COL11A1: variants seen among roughly 807,000 people sequenced by gnomAD.
The protein encoded by COL11A1 is collagen type XI alpha 1 chain.
In COL11A1, 74 loss-of-function variants were observed where a neutral mutation model predicts 265.2. The ratio of observed to expected loss-of-function variants is 0.28; its 90% CI spans 0.23 to 0.34. The LOEUF (loss-of-function observed/expected upper bound fraction) is 0.34, where lower values mean the gene tolerates loss of function less well. COL11A1 is among the 10% of genes least tolerant of loss of function. The pLI, the probability that COL11A1 is intolerant of heterozygous loss-of-function variation, is 1.00. For synonymous variants in COL11A1, 816 were observed against 727.6 expected (o/e 1.12, Z -1.96); for missense variants, 2,165 against 2,263.6 (o/e 0.96, Z 0.88).
chr1:103,001,807 C>CT (rs1285229314), intron 24 of COL11A1, 118 bp downstream of exon 24: 1 of 862,902 alleles, frequency 1.2e-6, no homozygotes, highest in Non-Finnish European at 2.0e-6. Flanking sequence ...AGATTAATTC[C>CT]TTATGTGCTG....
Position 103,074,466 on chromosome 1 carries a change from C to T in COL11A1, c.651+152G>A. 3 of 768,422 alleles carry T rather than the reference C, an allele frequency of 3.9e-6. No individual in the cohort carries two copies. In the South Asian group the frequency reaches 5.3e-5, roughly 14 times the overall value. The allele number at this position is 768,422 out of a possible 1,614,324, so 47.6% of individuals were successfully genotyped here. On this transcript the variant is annotated intron_variant, in intron 4 of 66. Coordinates refer to ENST00000370096, the MANE Select transcript of COL11A1 (RefSeq NM_001854.4). ...TCTCTTACTGAACAATAGAAAACAT[C>T]ACCACTATACTCACAGAGGAAGAAA...
chr1:102,931,857 T>C lies in COL11A1; in HGVS notation c.3600+2592A>G, dbSNP rs557796824. ...TTTAGCATTATGTAATGGCCTTCTT[T>C]GTCTCTTTTGATCTTTGTTGGTTTA... On this transcript the variant is annotated intron_variant, in intron 46 of 66. Transcript: ENST00000370096. Among the ~76,000 whole-genome samples the C allele has an allele frequency of 9.2e-5, 14 of 151,614 alleles. No individual in the cohort carries two copies. In the East Asian group the frequency reaches 2.3e-3, roughly 25 times the overall value.
At chr1:102,878,216 A>C in intron 66 of COL11A1, 51 bp from the exon 67 acceptor site, 1 of 1,515,948 alleles carries the variant, frequency 6.6e-7, no homozygotes, top group Non-Finnish European at 9.0e-7. Flanking sequence ...AATATTTTTA[A>C]ATGCATCTTA....
At chr1:103,042,414 TA>T (rs1346284466) in intron 4 of COL11A1, among the ~76,000 whole-genome samples, 1 of 152,136 alleles carries the variant, frequency 6.6e-6, no homozygotes, top group Non-Finnish European at 1.5e-5. Flanking sequence ...GTTTTTCTTT[TA>T]AATAAAGGAA....
chr1:103,036,609 C>T lies in COL11A1; in HGVS notation c.652-5365G>A, dbSNP rs183269847. 5.0e-3 allele frequency among the ~76,000 whole-genome samples: 755 copies of T among 151,660 alleles called. 5 individuals are homozygous for T. Among genetic ancestry groups the T allele is most frequent in the African/African-American group, 0.017 (707 of 41,416 alleles). On this transcript the variant is annotated intron_variant, in intron 4 of 66. Coordinates refer to ENST00000370096, the MANE Select transcript of COL11A1 (RefSeq NM_001854.4). ...AAAAATTCAATAAAAAACTTACAGT[C>T]CTATTTTTTCCCAGAAGGCATTTTA...
intron 24 of COL11A1, 32 bp downstream of exon 24, chr1:103,001,893 C>G (rs757837484): frequency 1.1e-5 from 17 of 1,608,140 alleles, no homozygotes; most frequent in Non-Finnish European, 1.4e-5. Context: ...AACATGTTCA[C>G]CAGGCTTTAC....
At chr1:103,093,109 G>A (rs902172598) in intron 1 of COL11A1, among the ~76,000 whole-genome samples, 10 of 152,112 alleles carry the variant, frequency 6.6e-5, no homozygotes, top group Admixed American at 4.6e-4. Context: ...TATTGAAAAT[G>A]CAGCTTTATG....
chr1:102,989,544 C>T lies in COL11A1; in HGVS notation c.2368G>A (p.Gly790Ser), dbSNP rs1663917780. Residue 790 changes from glycine (G) to serine (S), a missense_variant, in exon 29 of 67, where the codon GGT (glycine) becomes AGT (serine). Gly to Ser is a moderately conservative substitution (Grantham distance 56). Transcript: ENST00000370096. The part of the protein sequence containing the change: ...KGEDGFPGFK[G>S]DMGLKGDRGE... ...CTGTCACCTTTTAGACCCATGTCAC[C>T]TTTGAATCCTGGAAAACCATCTTCA... 1 of 1,611,278 alleles carries T rather than the reference C, an allele frequency of 6.2e-7. No homozygotes were observed. The highest frequency in any genetic ancestry group is 8.5e-7 in the Non-Finnish European group (1 of 1,178,046).
At chr1:103,067,535 A>ATC (rs1321139414) in intron 4 of COL11A1, among the ~76,000 whole-genome samples, 1 of 151,806 alleles carries the variant, frequency 6.6e-6, no homozygotes, top group East Asian at 1.9e-4. Context: ...AAAAAAGCAA[A>ATC]TCTCGAAGTA....
chr1:102,884,436 A>T (rs1241739494), intron 63 of COL11A1: 2 of 152,228 alleles, frequency 1.3e-5, no homozygotes, highest in Non-Finnish European at 2.9e-5. Context: ...AGCTGGTGCC[A>T]GGGAATGGCA....
intron 37 of COL11A1, among the ~76,000 whole-genome samples, chr1:102,968,852 G>C (rs1661686632): frequency 6.6e-6 from 1 of 152,084 alleles, no homozygotes; most frequent in African/African-American, 2.4e-5. Flanking sequence ...AATTATTTTT[G>C]TTAGAAGTGG....
At chr1:103,034,825 G>A (rs1168801058) in intron 4 of COL11A1, among the ~76,000 whole-genome samples, 4 of 151,822 alleles carry the variant, frequency 2.6e-5, no homozygotes, top group Non-Finnish European at 4.4e-5. Context: ...TAACAACCCT[G>A]AAATCAGATA....
chr1:103,092,480 A>C (rs180999027), intron 1 of COL11A1, among the ~76,000 whole-genome samples: 82 of 152,308 alleles, frequency 5.4e-4, no homozygotes, highest in African/African-American at 1.9e-3. Context: ...CACAGATCAT[A>C]CATGGCACCA....
rs375537454 is a variant in COL11A1 at position 103,082,161 on chromosome 1, C to T, written c.274+644G>A. Among the ~76,000 whole-genome samples, 4 of 151,858 alleles carry T rather than the reference C, an allele frequency of 2.6e-5. No individual in the cohort carries two copies. The East Asian group carries it at 7.7e-4, about 29-fold the overall frequency. ...AGGAAAAACAAATATTCAGCAAGTACTTTTCAGTACCATTATGAAAAACTG... is the reference window on the plus strand; with the variant it reads ...AGGAAAAACAAATATTCAGCAAGTATTTTTCAGTACCATTATGAAAAACTG... On this transcript the variant is annotated intron_variant, in intron 2 of 66. Transcript: ENST00000370096.
intron 4 of COL11A1, among the ~76,000 whole-genome samples, chr1:103,041,301 C>T (rs1335661809): frequency 6.6e-6 from 1 of 151,808 alleles, no homozygotes; most frequent in African/African-American, 2.4e-5. Flanking sequence ...AACAGTTGAA[C>T]TGACACGTTT....
chr1:102,932,608 C>G (rs4522018), intron 46 of COL11A1, among the ~76,000 whole-genome samples: 103,551 of 151,952 alleles, frequency 0.68, 39,164 homozygotes, highest in East Asian at 0.99. Context: ...TTGTGGCATT[C>G]TCTGTATTTC....
intron 4 of COL11A1, among the ~76,000 whole-genome samples, chr1:103,068,757 A>G (rs1356150299): frequency 6.6e-6 from 1 of 151,522 alleles, no homozygotes; most frequent in African/African-American, 2.4e-5. Flanking sequence ...AGGTTAATAT[A>G]AAAAATCGTG....
intron 29 of COL11A1, 143 bp from the exon 30 acceptor site, chr1:102,987,883 T>A: frequency 1.4e-6 from 1 of 697,096 alleles, no homozygotes; most frequent in Non-Finnish European, 2.6e-6. Context: ...TGATCGTTCC[T>A]GGGCATGGAG....
intron 14 of COL11A1, among the ~76,000 whole-genome samples, chr1:103,009,502 A>T (rs747251013): frequency 2.6e-5 from 4 of 152,186 alleles, no homozygotes; most frequent in Non-Finnish European, 5.9e-5. Flanking sequence ...AAAACATAAA[A>T]TTGCTTTATA....
Sources: allele counts gnomAD v4.1 joint callset (sites outside exome capture counted in the v4.1 genomes callset), GRCh38; gene constraint gnomAD v4.1.1; transcripts MANE v1.5; gene names NCBI Gene and HGNC (gene_info 2026-07-23, HGNC 2026-07-21).